FBXL20: variants seen among roughly 807,000 people sequenced by gnomAD.
FBXL20 encodes F-box and leucine rich repeat protein 20, also known as F-box/LRR-repeat protein 20.
In FBXL20, 11 loss-of-function variants were observed where a neutral mutation model predicts 64.0. The observed-to-expected ratio is 0.17, with a 90% CI of 0.11 to 0.28. The LOEUF (loss-of-function observed/expected upper bound fraction) is 0.28. Among genes scored for constraint, FBXL20 ranks in the 10% least tolerant of loss-of-function variants. The probability of loss-of-function intolerance (pLI) is 1.00; values close to 1 mark genes in which losing one functional copy is unlikely to be tolerated. For synonymous variants in FBXL20, 184 were observed against 189.0 expected (o/e 0.97, Z 0.22); for missense variants, 303 against 526.2 (o/e 0.58, Z 4.15).
rs1193625269 is a variant in FBXL20, at chr17:39,347,399, G to A, written c.43-4158C>T. Among the ~76,000 whole-genome samples, 3 of 152,156 alleles carry A rather than the reference G, an allele frequency of 2.0e-5. No individual in the cohort carries two copies. In the South Asian group the frequency reaches 6.2e-4, roughly 32 times the overall value. Reference sequence around the variant, plus strand: ...TCGCCATTCTAACTGGTGTGAGATGGTATCTCATTATGGTTTTGATTTGCA... The same window carrying A: ...TCGCCATTCTAACTGGTGTGAGATGATATCTCATTATGGTTTTGATTTGCA... On this transcript the variant is annotated intron_variant, in intron 1 of 14. Coordinates refer to ENST00000264658, the MANE Select transcript of FBXL20 (RefSeq NM_032875.3).
chr17:39,392,482 C>T (rs1431287663), intron 1 of FBXL20, among the ~76,000 whole-genome samples: 2 of 151,542 alleles, frequency 1.3e-5, no homozygotes, highest in African/African-American at 4.8e-5. Flanking sequence ...ACAAAAGTAG[C>T]TCTTTTTCAA....
chr17:39,325,034 T>C (rs775447632), intron 2 of FBXL20, among the ~76,000 whole-genome samples: 4 of 152,020 alleles, frequency 2.6e-5, no homozygotes, highest in Non-Finnish European at 5.9e-5. Context: ...ATGGCAAAAC[T>C]CTGTCACTAC....
At chr17:39,338,097 G>GGGGGAAAGGT (rs1409657334) in intron 2 of FBXL20, among the ~76,000 whole-genome samples, 4 of 152,234 alleles carry the variant, frequency 2.6e-5, no homozygotes, top group African/African-American at 7.2e-5. Context: ...GAATAGAAAG[G>GGGGGAAAGGT]GGGGAAAGGT....
intron 10 of FBXL20, among the ~76,000 whole-genome samples, chr17:39,271,952 CA>C (rs2046847854): frequency 6.6e-6 from 1 of 151,992 alleles, no homozygotes; most frequent in Non-Finnish European, 1.5e-5. Flanking sequence ...AACTGAAAAT[CA>C]ATGAGAAATG....
intron 2 of FBXL20, among the ~76,000 whole-genome samples, chr17:39,314,414 G>A (rs1198113173): frequency 1.3e-5 from 2 of 151,876 alleles, no homozygotes; most frequent in East Asian, 1.9e-4. Context: ...CTGTAGTGGC[G>A]CCATCCTGGT....
intron 2 of FBXL20, among the ~76,000 whole-genome samples, chr17:39,307,870 C>A (rs1004375181): frequency 1.3e-5 from 2 of 150,864 alleles, no homozygotes. Flanking sequence ...ACTTGGGAGG[C>A]TGAGGCAGGA....
intron 1 of FBXL20, among the ~76,000 whole-genome samples, chr17:39,366,182 G>C (rs892715447): frequency 7.2e-5 from 11 of 152,088 alleles, no homozygotes; most frequent in Middle Eastern, 3.4e-3. Context: ...TTTAAATTAA[G>C]CGTCCGTGTG....
intron 2 of FBXL20, among the ~76,000 whole-genome samples, chr17:39,324,523 T>TAC (rs959007416): frequency 2.0e-5 from 3 of 151,816 alleles, no homozygotes; most frequent in African/African-American, 7.3e-5. Flanking sequence ...CTCCTGACCT[T>TAC]ACGTGATCTG....
chr17:39,377,850 G>A (rs1348303427), intron 1 of FBXL20, among the ~76,000 whole-genome samples: 1 of 152,160 alleles, frequency 6.6e-6, no homozygotes, highest in Non-Finnish European at 1.5e-5. Flanking sequence ...AGCGGGCAAG[G>A]TGAACTCCTT....
At chr17:39,382,495 G>A (rs1271579388) in intron 1 of FBXL20, among the ~76,000 whole-genome samples, 6 of 150,176 alleles carry the variant, frequency 4.0e-5, no homozygotes, top group African/African-American at 1.5e-4. Flanking sequence ...GTTCAAAACA[G>A]ACTTATGAAT....
rs2046667819 is a variant in FBXL20, at chr17:39,253,409, C to T, written c.*8051G>A. ...GGCCAGAGTAGGAAGCATCTGAAGG[C>T]CAAGTCATAAAACAGGAATGGAGAA... On this transcript the variant is annotated 3_prime_UTR_variant, in exon 15 of 15. Coordinates refer to ENST00000264658, the MANE Select transcript of FBXL20 (RefSeq NM_032875.3). 1 of 152,332 alleles carries T rather than the reference C, an allele frequency of 6.6e-6. No individual in the cohort carries two copies. Among genetic ancestry groups the T allele is most frequent in the South Asian group, 2.1e-4 (1 of 4,834 alleles). 9.4% of individuals were successfully genotyped at this position (152,332 alleles called of 1,614,324 possible).
chr17:39,277,754 CAAAAAAAA>C (rs34095802), intron 9 of FBXL20, among the ~76,000 whole-genome samples: 4 of 89,904 alleles, frequency 4.4e-5, no homozygotes, highest in African/African-American at 9.2e-5. Flanking sequence ...AACTCCGTCT[CAAAAAAAA>C]AAAAAAAAAA....
chr17:39,310,975 G>C (rs576570935), intron 2 of FBXL20, among the ~76,000 whole-genome samples: 1 of 151,962 alleles, frequency 6.6e-6, no homozygotes, highest in South Asian at 2.1e-4. Flanking sequence ...AACAAAGTGA[G>C]ACTCTCTCTC....
chr17:39,361,151 C>G, intron 1 of FBXL20, among the ~76,000 whole-genome samples: 1 of 151,976 alleles, frequency 6.6e-6, no homozygotes, highest in East Asian at 1.9e-4. Context: ...TGTTAGGGAA[C>G]AGGAGTTACA....
intron 2 of FBXL20, among the ~76,000 whole-genome samples, 177 bp downstream of exon 2, chr17:39,343,003 G>C (rs929994131): frequency 2.0e-5 from 3 of 152,138 alleles, no homozygotes; most frequent in African/African-American, 7.2e-5. Context: ...ACTAAATTTT[G>C]AAATATCTTG....
chr17:39,386,639 T>A (rs1161640796), intron 1 of FBXL20, among the ~76,000 whole-genome samples: 1 of 152,000 alleles, frequency 6.6e-6, no homozygotes, highest in African/African-American at 2.4e-5. Context: ...ATAATAATAA[T>A]AAATTTTTTT....
intron 12 of FBXL20, 106 bp from the exon 13 acceptor site, chr17:39,265,559 G>T: frequency 1.3e-6 from 1 of 774,056 alleles, no homozygotes; most frequent in Non-Finnish European, 2.1e-6. Flanking sequence ...AGGCTAGAGT[G>T]TAGTGGTGCA....
chr17:39,296,819 C>T (rs1465923330), intron 6 of FBXL20, among the ~76,000 whole-genome samples: 3 of 152,062 alleles, frequency 2.0e-5, no homozygotes, highest in South Asian at 2.1e-4. Flanking sequence ...TTTACTGTGG[C>T]TTTTAACTGG....
upstream of FBXL20, chr17:39,401,985 T>A (rs572536192): frequency 2.1e-6 from 1 of 484,786 alleles, no homozygotes; most frequent in Admixed American, 4.4e-5. Flanking sequence ...AGTACCGCAC[T>A]CTGCGCGGGG....
Sources: gnomAD v4.1 joint callset for allele counts (sites outside exome capture counted in the v4.1 genomes callset) on GRCh38, gnomAD v4.1.1 for gene constraint, MANE v1.5 for transcripts, NCBI Gene and HGNC (gene_info 2026-07-23, HGNC 2026-07-21) for gene names.